The following CADM2 variants were observed in gnomAD, a reference collection of about 807,000 sequenced individuals.
The protein encoded by CADM2 is cell adhesion molecule 2, also known as immunoglobulin superfamily member 4D.
In CADM2, 12 loss-of-function variants were observed where a neutral mutation model predicts 49.8. That is an observed-to-expected ratio of 0.24 (90% CI 0.15 to 0.39). The LOEUF (loss-of-function observed/expected upper bound fraction) is 0.39. Ranked by LOEUF, CADM2 falls within the 10% of genes least tolerant of loss-of-function variation. The probability of loss-of-function intolerance (pLI) is 1.00; values close to 1 mark genes in which losing one functional copy is unlikely to be tolerated. For synonymous variants in CADM2, 214 were observed against 175.4 expected, an observed-to-expected ratio of 1.22 and a Z score of -1.74; for missense variants, 378 against 492.3, an observed-to-expected ratio of 0.77 and a Z score of 2.20.
intron 2 of CADM2, among the ~76,000 whole-genome samples, chr3:85,772,803 T>C (rs1050315486): frequency 1.3e-5 from 2 of 151,916 alleles, no homozygotes; most frequent in African/African-American, 4.8e-5. Context: ...GTTTTCTTTT[T>C]TTTTTTTCCC....
At chr3:85,790,152 G>A (rs532091773) in intron 2 of CADM2, among the ~76,000 whole-genome samples, 1 of 152,234 alleles carries the variant, frequency 6.6e-6, no homozygotes, top group South Asian at 2.1e-4. Flanking sequence ...AACTGTGCTG[G>A]GAATATTAAA....
intron 8 of CADM2, among the ~76,000 whole-genome samples, chr3:86,037,047 A>G (rs1735252627): frequency 6.6e-6 from 1 of 152,144 alleles, no homozygotes; most frequent in African/African-American, 2.4e-5. Context: ...CTAATTTTTA[A>G]CCAGGACAAG....
intron 1 of CADM2, among the ~76,000 whole-genome samples, chr3:85,166,269 G>C (rs770608532): frequency 6.6e-6 from 1 of 151,694 alleles, no homozygotes; most frequent in Non-Finnish European, 1.5e-5. Flanking sequence ...TAATATTTTT[G>C]AACCTTTAAT....
chr3:85,581,979 T>G (rs1208901654), intron 1 of CADM2, among the ~76,000 whole-genome samples: 1 of 152,132 alleles, frequency 6.6e-6, no homozygotes, highest in African/African-American at 2.4e-5. Context: ...CAGGGTGGAG[T>G]GCAGTGGTGT....
At chr3:85,380,539 T>G (rs1023360313) in intron 1 of CADM2, among the ~76,000 whole-genome samples, 1 of 151,982 alleles carries the variant, frequency 6.6e-6, no homozygotes, top group African/African-American at 2.4e-5. Flanking sequence ...AATATATTTT[T>G]AAATACAATG....
In CADM2 at chr3:85,276,710, G is replaced by C. The variant is rs867323907; in HGVS notation, c.61+317042G>C. 5.1e-4 allele frequency among the ~76,000 whole-genome samples: 77 copies of C among 151,262 alleles called. No individual in the cohort carries two copies. The Middle Eastern group carries it at 0.01, about 20-fold the overall frequency. On this transcript the variant is annotated intron_variant, in intron 1 of 9. Coordinates refer to ENST00000383699, the MANE Select transcript of CADM2 (RefSeq NM_001167675.2). ...AGGTGGTTTATGAAAAAAAAAGCTT[G>C]GGTGATTTTCAGTAGCAAAGTGTAC...
At chr3:85,153,074 G>A (rs1210529480) in intron 1 of CADM2, among the ~76,000 whole-genome samples, 1 of 152,202 alleles carries the variant, frequency 6.6e-6, no homozygotes, top group African/African-American at 2.4e-5. Context: ...AACACTGCGG[G>A]GGAGGAGCCA....
At chr3:85,589,284 G>C (rs1339306346) in intron 1 of CADM2, among the ~76,000 whole-genome samples, 5 of 151,944 alleles carry the variant, frequency 3.3e-5, no homozygotes, top group African/African-American at 1.2e-4. Flanking sequence ...GTTCTCCTGC[G>C]GTAATATTTG....
At chr3:85,127,838 T>C (rs1241559503) in intron 1 of CADM2, among the ~76,000 whole-genome samples, 2 of 152,202 alleles carry the variant, frequency 1.3e-5, no homozygotes, top group South Asian at 2.1e-4. Flanking sequence ...TTGGTCATAA[T>C]TGCCCTTGAT....
At chr3:85,658,576 G>GTACA (rs1553656705) in intron 1 of CADM2, among the ~76,000 whole-genome samples, 6 of 68,730 alleles carry the variant, frequency 8.7e-5, no homozygotes, top group African/African-American at 3.3e-4. Flanking sequence ...GGATATATGT[G>GTACA]TATATATATA....
At chr3:85,702,027 A>G (rs1240510996) in intron 1 of CADM2, among the ~76,000 whole-genome samples, 2 of 151,966 alleles carry the variant, frequency 1.3e-5, no homozygotes, top group Non-Finnish European at 2.9e-5. Context: ...TAGTTGATAG[A>G]TAGATAGATA....
At chr3:85,913,665 A>G (rs896706791) in intron 6 of CADM2, among the ~76,000 whole-genome samples, 3 of 152,186 alleles carry the variant, frequency 2.0e-5, no homozygotes, top group African/African-American at 7.2e-5. Context: ...CACCTCCGCT[A>G]TCACCAACAA....
At chr3:85,948,917 C>A (rs567999798) in intron 7 of CADM2, among the ~76,000 whole-genome samples, 1 of 151,380 alleles carries the variant, frequency 6.6e-6, no homozygotes, top group Non-Finnish European at 1.5e-5. Flanking sequence ...AAAGATAAGA[C>A]TTTATAAAGA....
At chr3:85,525,938 C>G (rs1262821527) in intron 1 of CADM2, among the ~76,000 whole-genome samples, 1 of 152,066 alleles carries the variant, frequency 6.6e-6, no homozygotes, top group Non-Finnish European at 1.5e-5. Flanking sequence ...TCCTTCTCTC[C>G]TAGTATTTGT....
chr3:85,638,796 A>G (rs188276388), intron 1 of CADM2, among the ~76,000 whole-genome samples: 2 of 152,044 alleles, frequency 1.3e-5, no homozygotes, highest in Admixed American at 1.3e-4. Flanking sequence ...ATCACAGAAT[A>G]TAATATCAGC....
intron 1 of CADM2, among the ~76,000 whole-genome samples, chr3:85,566,997 TCC>T (rs1343020299): frequency 2.0e-5 from 3 of 152,178 alleles, no homozygotes; most frequent in African/African-American, 4.8e-5. Context: ...CAATTAAGCT[TCC>T]CATCTTTAAA....
intron 7 of CADM2, among the ~76,000 whole-genome samples, chr3:85,939,557 C>T (rs1017025281): frequency 2.0e-5 from 3 of 150,680 alleles, no homozygotes; most frequent in African/African-American, 4.9e-5. Context: ...TGTGAGGTTG[C>T]CCCCAACACG....
At chr3:85,395,983 A>C (rs1484226888) in intron 1 of CADM2, among the ~76,000 whole-genome samples, 1 of 148,900 alleles carries the variant, frequency 6.7e-6, no homozygotes, top group Non-Finnish European at 1.5e-5. Context: ...GATAATTTAT[A>C]AAATAAATAT....
chr3:85,772,190 G>C (rs1270253847), intron 2 of CADM2, among the ~76,000 whole-genome samples: 1 of 151,892 alleles, frequency 6.6e-6, no homozygotes, highest in Non-Finnish European at 1.5e-5. Flanking sequence ...CTTTAAAACT[G>C]TGCAGGATAA....
Sources: gnomAD v4.1 joint callset for allele counts (sites outside exome capture counted in the v4.1 genomes callset) on GRCh38, gnomAD v4.1.1 for gene constraint, MANE v1.5 for transcripts, NCBI Gene and HGNC (gene_info 2026-07-23, HGNC 2026-07-21) for gene names.